Variants in LCP2 observed in about 807,000 individuals in gnomAD.
LCP2 encodes 76 kDa tyrosine phosphoprotein.
Under a neutral mutation model 74.5 loss-of-function variants are expected in LCP2, and 29 were observed. That is an observed-to-expected ratio of 0.39 (90% CI 0.29 to 0.53). The LOEUF is 0.53. Ranked by LOEUF, LCP2 falls within the 20% of genes least tolerant of loss-of-function variation. LCP2 has a pLI of 0.72. For synonymous variants in LCP2, 228 were observed against 229.5 expected (o/e 0.99, Z 0.06); for missense variants, 604 against 634.6 (o/e 0.95, Z 0.52).
chr5:170,289,282 G>C (rs1371088346), intron 2 of LCP2, among the ~76,000 whole-genome samples: 1 of 152,212 alleles, frequency 6.6e-6, no homozygotes, highest in Non-Finnish European at 1.5e-5. Flanking sequence ...ACCCCTGGTG[G>C]GGAAGCAGCA....
At chr5:170,260,301 A>G (rs1291136545) in intron 14 of LCP2, among the ~76,000 whole-genome samples, 1 of 152,184 alleles carries the variant, frequency 6.6e-6, no homozygotes, top group Non-Finnish European at 1.5e-5. Flanking sequence ...ACTTCATCGG[A>G]ACAAGCACAG....
At position 170,253,985 on chromosome 5, in the gene LCP2, G is replaced by A; in HGVS notation, c.1151-772C>T. ...GGTATTTTCTATGTGCCAGGCTGTG[G>A]TTAAAAACAGAAAAATTCTGTGAGT... On this transcript the variant is annotated intron_variant, in intron 17 of 20. Coordinates refer to ENST00000046794, the MANE Select transcript of LCP2 (RefSeq NM_005565.5). 1.3e-5 allele frequency among the ~76,000 whole-genome samples: 2 copies of A among 152,130 alleles called. 1 individual carries two copies. The highest frequency in any genetic ancestry group is 2.9e-5 in the Non-Finnish European group (2 of 68,034).
chr5:170,296,021 C>G (rs1211633201), intron 1 of LCP2, among the ~76,000 whole-genome samples: 1 of 152,174 alleles, frequency 6.6e-6, no homozygotes, highest in African/African-American at 2.4e-5. Flanking sequence ...TATAATTCTC[C>G]TGGTCACACC....
At chr5:170,276,270 C>G (rs1762006636) in intron 3 of LCP2, among the ~76,000 whole-genome samples, 1 of 152,170 alleles carries the variant, frequency 6.6e-6, no homozygotes, top group Admixed American at 6.5e-5. Context: ...TTTGCATGAC[C>G]TGGCAGTGCT....
intron 3 of LCP2, among the ~76,000 whole-genome samples, chr5:170,285,911 G>A (rs576365267): frequency 3.3e-5 from 5 of 152,242 alleles, no homozygotes; most frequent in South Asian, 2.1e-4. Context: ...AACTCAAGTC[G>A]TCCACCAGAC....
chr5:170,249,953 T>C (rs1761395460), intron 20 of LCP2, among the ~76,000 whole-genome samples: 1 of 152,240 alleles, frequency 6.6e-6, no homozygotes, highest in Non-Finnish European at 1.5e-5. Flanking sequence ...TCTGTGCAGC[T>C]CTATCCACTG....
chr5:170,293,427 T>C (rs942894480), intron 1 of LCP2, 55 bp from the exon 2 acceptor site: 40 of 1,512,308 alleles, frequency 2.6e-5, no homozygotes, highest in Non-Finnish European at 3.5e-5. Context: ...TACCATTGGT[T>C]CCTCTCCCTT....
chr5:170,281,016 T>C (rs1400384854), intron 3 of LCP2, among the ~76,000 whole-genome samples: 1 of 151,794 alleles, frequency 6.6e-6, no homozygotes, highest in Non-Finnish European at 1.5e-5. Context: ...AAAATAAAAA[T>C]AATAATAATA....
At chr5:170,281,080 T>A (rs759083101) in intron 3 of LCP2, among the ~76,000 whole-genome samples, 1 of 152,086 alleles carries the variant, frequency 6.6e-6, no homozygotes, top group South Asian at 2.1e-4. Flanking sequence ...CCAGCATTTA[T>A]GGGGAGAGGA....
intron 3 of LCP2, among the ~76,000 whole-genome samples, chr5:170,282,590 AAGAT>A (rs140044281): frequency 0.012 from 1,857 of 152,370 alleles, 44 homozygotes; most frequent in African/African-American, 0.041. Flanking sequence ...CCTCTCCAGA[AAGAT>A]AGAATAGTTA....
chr5:170,263,074 T>C, intron 10 of LCP2, 82 bp from the exon 11 acceptor site: 2 of 1,509,206 alleles, frequency 1.3e-6, no homozygotes, highest in South Asian at 1.2e-5. Context: ...GATGAAACTA[T>C]GAGTCTGAAC....
chr5:170,270,347 G>A (rs1761874626), intron 7 of LCP2, among the ~76,000 whole-genome samples: 1 of 152,182 alleles, frequency 6.6e-6, no homozygotes, highest in African/African-American at 2.4e-5. Context: ...TCAAAAGATG[G>A]GGAGGAACAG....
chr5:170,280,557 A>G (rs1362593351), intron 3 of LCP2, among the ~76,000 whole-genome samples: 6 of 152,238 alleles, frequency 3.9e-5, no homozygotes, highest in Admixed American at 3.3e-4. Context: ...CTCGGTCGAG[A>G]GTGTAAGAGT....
rs1021484274 is a variant in LCP2, at chr5:170,291,159, G to T, written c.141+2151C>A. Among the ~76,000 whole-genome samples, 5 of 122,446 alleles carry T rather than the reference G, an allele frequency of 4.1e-5. No individual in the cohort carries two copies. In the South Asian group the frequency reaches 1.3e-3, roughly 31 times the overall value. The allele number at this position is 122,446 out of a possible 152,430, so 80.3% of individuals were successfully genotyped here. A position where few individuals can be genotyped will look rare whatever the true frequency, so the allele number is the denominator to read the frequency against. On this transcript the variant is annotated intron_variant, in intron 2 of 20. Coordinates refer to ENST00000046794, the MANE Select transcript of LCP2 (RefSeq NM_005565.5). ...AGGACAAGGGAAGGGGAGAGGGGAG[G>T]ACAAGGGAAGGGAGGAAGGAAGAAA...
intron 1 of LCP2, 113 bp from the exon 2 acceptor site, chr5:170,293,485 C>T: frequency 1.0e-6 from 1 of 964,458 alleles, no homozygotes; most frequent in South Asian, 1.5e-5. Context: ...GCTAGCCAGG[C>T]TCCCCACTGC....
rs1016969508 is a variant in LCP2, at chr5:170,272,264, A to G, written c.325-1347T>C. ...CTTCTAGAACAATTATTTTCTCCCA[A>G]TCATTTGGCTCCTAAATTTGTATGC... On this transcript the variant is annotated intron_variant, in intron 6 of 20. Transcript: ENST00000046794. 2.0e-5 allele frequency among the ~76,000 whole-genome samples: 3 copies of G among 152,152 alleles called. No individual in the cohort carries two copies. The South Asian group carries it at 6.2e-4, about 32-fold the overall frequency.
At chr5:170,260,929 C>T (rs1215611230) in intron 14 of LCP2, 178 bp downstream of exon 14, 1 of 602,250 alleles carries the variant, frequency 1.7e-6, no homozygotes, top group African/African-American at 1.9e-5. Flanking sequence ...ATGATGGGCT[C>T]CAGACAATGA....
At chr5:170,270,127 C>A (rs977854982) in intron 7 of LCP2, among the ~76,000 whole-genome samples, 1 of 152,206 alleles carries the variant, frequency 6.6e-6, no homozygotes, top group Admixed American at 6.5e-5. Context: ...TTTCTTCTTT[C>A]CTGATCATTT....
rs773048115 is a variant in LCP2 at position 170,262,726 on chromosome 5, A to C, written c.835T>G (p.Leu279Val). 6.2e-7 allele frequency: 1 copy of C among 1,613,920 alleles called. No individual in the cohort carries two copies. The highest frequency in any genetic ancestry group is 2.2e-5 in the East Asian group (1 of 44,882). Residue 279 changes from leucine (L) to valine (V), a missense_variant, in exon 13 of 21, where the codon TTA becomes GTA. By Grantham distance (32) the Leu-to-Val change is conservative. Coordinates refer to ENST00000046794, the MANE Select transcript of LCP2 (RefSeq NM_005565.5). ...IPAGRSLGEH[L>V]PKIQKPPLPP... Reference sequence around the variant, plus strand: ...AAAGGAGGCTTTTGAATCTTGGGTAAATGCTCCCCGAGTGACCTGTGGAGT... The same window carrying C: ...AAAGGAGGCTTTTGAATCTTGGGTACATGCTCCCCGAGTGACCTGTGGAGT...
Sources: gnomAD v4.1 joint callset for allele counts (sites outside exome capture counted in the v4.1 genomes callset) on GRCh38, gnomAD v4.1.1 for gene constraint, MANE v1.5 for transcripts, NCBI Gene and HGNC (gene_info 2026-07-23, HGNC 2026-07-21) for gene names.